Variants in ZNF624 observed in about 807,000 individuals in gnomAD.
ZNF624 encodes the protein zinc finger protein 624.
Under a neutral mutation model 74.7 loss-of-function variants are expected in ZNF624, and 43 were observed. The observed-to-expected ratio is 0.58, with a 90% CI of 0.45 to 0.74. ZNF624 has a LOEUF of 0.74. ZNF624 is among the 30% of genes least tolerant of loss of function. ZNF624 has a pLI of 0.00. For missense variants in ZNF624, 820 were observed against 1,030.0 expected, an observed-to-expected ratio of 0.80 and a Z score of 2.79; for synonymous variants, 331 against 341.3, an observed-to-expected ratio of 0.97 and a Z score of 0.33.
Position 16,622,342 on chromosome 17 carries a change from A to G in ZNF624, c.2544T>C (p.Ser848=), listed in dbSNP as rs1267423270. 1.2e-6 allele frequency: 2 copies of G among 1,611,106 alleles called. No homozygotes were observed. Among genetic ancestry groups the G allele is most frequent in the East Asian group, 4.5e-5 (2 of 44,872 alleles). ...CNECGKAFRS[S]SSLTVHQRIH... Reference sequence around the variant, plus strand: ...TTCTTTGATGTACAGTAAGGCTCGAACTACTCCTGAAGGCTTTTCCACATT... The same window carrying G: ...TTCTTTGATGTACAGTAAGGCTCGAGCTACTCCTGAAGGCTTTTCCACATT... The change falls in exon 6 of 6, where the codon AGT becomes AGC. Residue 848 remains serine, a synonymous_variant. Transcript: ENST00000311331.
At chr17:16,617,193 G>T, downstream of ZNF624, 7 of 1,612,564 alleles carry the variant, frequency 4.3e-6, no homozygotes, top group Non-Finnish European at 5.9e-6. Context: ...ATCGACCTTT[G>T]CTCCGCGACC....
chr17:16,647,287 C>G (rs1484821015), intron 3 of ZNF624, 42 bp downstream of exon 3: 1 of 1,502,034 alleles, frequency 6.7e-7, no homozygotes, highest in Admixed American at 1.7e-5. Flanking sequence ...GTAAAATAGG[C>G]ATTTTCTCTG....
intron 3 of ZNF624, among the ~76,000 whole-genome samples, chr17:16,642,900 A>G (rs548391094): frequency 4.6e-5 from 7 of 152,374 alleles, no homozygotes; most frequent in African/African-American, 1.7e-4. Flanking sequence ...CAAGTGGCCA[A>G]TAAGTATGCT....
intron 1 of ZNF624, among the ~76,000 whole-genome samples, chr17:16,652,525 C>T (rs1909750479): frequency 6.6e-6 from 1 of 152,040 alleles, no homozygotes; most frequent in African/African-American, 2.4e-5. Context: ...AGATTATGCT[C>T]GTAACATATG....
downstream of ZNF624, chr17:16,617,786 G>A: frequency 1.2e-6 from 2 of 1,611,554 alleles, no homozygotes; most frequent in Non-Finnish European, 1.7e-6. Flanking sequence ...CATTTTTGAG[G>A]TCTACTTCGA....
chr17:16,622,646 C>T lies in ZNF624; in HGVS notation c.2240G>A (p.Ser747Asn). Reference sequence around the variant, plus strand: ...ATCACACTTATAGGGCTTCTCTCCACTATGGATTTTCTGATGTTCTGTGAC... The same window carrying T: ...ATCACACTTATAGGGCTTCTCTCCATTATGGATTTTCTGATGTTCTGTGAC... ...VHVTEHQKIHSGEKPYKCDVC... is the reference protein window; with the variant it reads ...VHVTEHQKIHNGEKPYKCDVC... Residue 747 changes from serine (S) to asparagine (N), a missense_variant, in exon 6 of 6, where the codon AGT (serine) becomes AAT (asparagine). Ser to Asn is a conservative substitution (Grantham distance 46). Transcript: ENST00000311331. The T allele has an allele frequency of 6.2e-7, 1 of 1,614,014 alleles. No individual in the cohort carries two copies. Among genetic ancestry groups the T allele is most frequent in the Non-Finnish European group, 8.5e-7 (1 of 1,179,964 alleles).
At position 16,624,408 on chromosome 17, in the gene ZNF624, G is replaced by A; in HGVS notation, c.478C>T (p.Leu160=). 1 of 1,613,554 alleles carries A rather than the reference G, an allele frequency of 6.2e-7. No homozygotes were observed. The highest frequency in any genetic ancestry group is 1.1e-5 in the South Asian group (1 of 90,924). The part of the protein sequence containing the change: ...AILEKLTENG[L]WDSRMEGLWK... ...AACCCTTCCATTCTGGAATCCCACA[G>A]ACCATTCTCTGTAAGTTTCTCTAGT... The change falls in exon 6 of 6, where the codon CTG becomes TTG. Residue 160 remains leucine, a synonymous_variant. Coordinates refer to ENST00000311331, the MANE Select transcript of ZNF624 (RefSeq NM_020787.4).
chr17:16,620,063 G>A (rs1215650007), downstream of ZNF624, among the ~76,000 whole-genome samples: 2 of 152,158 alleles, frequency 1.3e-5, no homozygotes, highest in African/African-American at 4.8e-5. Context: ...CATTTATGAT[G>A]GAAGATAATT....
Position 16,622,530 on chromosome 17 carries a change from C to G in ZNF624, c.2356G>C (p.Gly786Arg). 12 of 1,613,870 alleles carry G rather than the reference C, an allele frequency of 7.4e-6. No homozygotes were observed. Among genetic ancestry groups the G allele is most frequent in the Non-Finnish European group, 1.0e-5 (12 of 1,179,898 alleles). The change falls in exon 6 of 6, where the codon GGA (glycine) becomes CGA (arginine). Residue 786 changes from glycine to arginine, a missense_variant. Gly to Arg is a moderately radical substitution (Grantham distance 125). Coordinates refer to ENST00000311331, the MANE Select transcript of ZNF624 (RefSeq NM_020787.4). ...GEKPYTCKEC[G>R]KGCITLSQLT... ...TGTGATAGAGTAATACAACCCTTTC[C>G]ACATTCCTTACAGGTGTAGGGTTTT...
Position 16,624,425 on chromosome 17 carries a change from T to G in ZNF624, c.461A>C (p.Lys154Thr), listed in dbSNP as rs1410763071. Residue 154 changes from lysine (K) to threonine (T), a missense_variant, in exon 6 of 6, where the codon AAA becomes ACA. By Grantham distance (78) the Lys-to-Thr change is moderately conservative. Transcript: ENST00000311331. The part of the protein sequence containing the change: ...EDLSQEAILE[K>T]LTENGLWDSR... Reference sequence around the variant, plus strand: ...ATCCCACAGACCATTCTCTGTAAGTTTCTCTAGTATGGCCTCCTGTGATAA... The same window carrying G: ...ATCCCACAGACCATTCTCTGTAAGTGTCTCTAGTATGGCCTCCTGTGATAA... The G allele has an allele frequency of 6.8e-6, 11 of 1,612,292 alleles. No individual in the cohort carries two copies. Among genetic ancestry groups the G allele is most frequent in the African/African-American group, 1.3e-5 (1 of 74,764 alleles).
At chr17:16,620,730 C>A (rs1485954641), downstream of ZNF624, 1 of 151,994 alleles carries the variant, frequency 6.6e-6, no homozygotes, top group African/African-American at 2.4e-5. Context: ...ATAAAACGCA[C>A]AACGAAAATA....
intron 3 of ZNF624, among the ~76,000 whole-genome samples, chr17:16,637,732 A>G (rs1002138235): frequency 2.9e-4 from 44 of 152,366 alleles, no homozygotes; most frequent in African/African-American, 9.9e-4. Flanking sequence ...TGGATTAAAG[A>G]CTTACATGTT....
downstream of ZNF624, chr17:16,616,948 G>T: frequency 1.3e-6 from 2 of 1,580,030 alleles, no homozygotes; most frequent in African/African-American, 1.4e-5. Flanking sequence ...CACAGAGCGG[G>T]CCTTTCAGGG....
intron 5 of ZNF624, among the ~76,000 whole-genome samples, chr17:16,627,514 AAGG>A (rs1383933038): frequency 1.3e-5 from 2 of 152,214 alleles, no homozygotes; most frequent in Non-Finnish European, 2.9e-5. Flanking sequence ...AACAAATTAC[AAGG>A]AGAAGAATGA....
intron 5 of ZNF624, among the ~76,000 whole-genome samples, chr17:16,625,743 C>T (rs1367896084): frequency 6.6e-6 from 1 of 151,958 alleles, no homozygotes; most frequent in Non-Finnish European, 1.5e-5. Flanking sequence ...AAGAACATTT[C>T]TGACAGTTTG....
intron 3 of ZNF624, among the ~76,000 whole-genome samples, chr17:16,636,337 G>A (rs977611688): frequency 6.6e-6 from 1 of 152,098 alleles, no homozygotes; most frequent in African/African-American, 2.4e-5. Context: ...TAGTTGCTGA[G>A]GGAAGGTTTC....
At chr17:16,647,769 C>T (rs1909628841) in intron 2 of ZNF624, among the ~76,000 whole-genome samples, 1 of 152,104 alleles carries the variant, frequency 6.6e-6, no homozygotes, top group South Asian at 2.1e-4. Flanking sequence ...CCTACTAACA[C>T]TATCTGTTTT....
downstream of ZNF624, chr17:16,617,944 C>T (rs1390698818): frequency 1.2e-5 from 13 of 1,073,524 alleles, no homozygotes; most frequent in South Asian, 9.4e-5. Flanking sequence ...CCAGTAGCCG[C>T]GGTGCGGGTG....
chr17:16,627,683 G>A (rs1369412839), intron 5 of ZNF624, among the ~76,000 whole-genome samples: 1 of 152,194 alleles, frequency 6.6e-6, no homozygotes, highest in Non-Finnish European at 1.5e-5. Flanking sequence ...CATTAAGGAG[G>A]ACAATTCTGG....
Sources: allele counts gnomAD v4.1 joint callset (sites outside exome capture counted in the v4.1 genomes callset), GRCh38; gene constraint gnomAD v4.1.1; transcripts MANE v1.5; gene names NCBI Gene and HGNC (gene_info 2026-07-23, HGNC 2026-07-21).